PPP1R37: variants seen among roughly 807,000 people sequenced by gnomAD.
The protein encoded by PPP1R37 is leucine rich repeat containing 68.
PPP1R37 carries 21 observed loss-of-function variants against 61.0 expected under a neutral mutation model. The ratio of observed to expected loss-of-function variants is 0.34; its 90% CI spans 0.24 to 0.50. The LOEUF is 0.50. PPP1R37 is among the 20% of genes least tolerant of loss of function. The pLI, the probability that PPP1R37 is intolerant of heterozygous loss-of-function variation, is 0.98. For missense variants in PPP1R37, 910 were observed against 952.7 expected (o/e 0.96, Z 0.59); for synonymous variants, 443 against 433.5 (o/e 1.02, Z -0.27).
chr19:45,122,855 C>T (rs913559565), intron 1 of PPP1R37, among the ~76,000 whole-genome samples: 1 of 152,146 alleles, frequency 6.6e-6, no homozygotes, highest in Non-Finnish European at 1.5e-5. Context: ...CTTTGCCTCC[C>T]GTGCTCCATA....
chr19:45,102,936 A>G (rs1968082787), intron 1 of PPP1R37, among the ~76,000 whole-genome samples: 1 of 152,226 alleles, frequency 6.6e-6, no homozygotes, highest in African/African-American at 2.4e-5. Flanking sequence ...GTTTCAGCTA[A>G]GAGGAGGTGG....
At chr19:45,107,646 G>A (rs987169179) in intron 1 of PPP1R37, among the ~76,000 whole-genome samples, 4 of 152,150 alleles carry the variant, frequency 2.6e-5, no homozygotes, top group African/African-American at 9.7e-5. Context: ...TCATTATTGA[G>A]TTGTGAGAGT....
In PPP1R37 at chr19:45,117,861, T is replaced by G. The variant is rs368556166; in HGVS notation, c.203-20653T>G. ...GTAAGCCAGTGCTCGTCCTTGGCAT[T>G]GTTGACTCAGTGGCTCAGCTGATGA... On this transcript the variant is annotated intron_variant, in intron 1 of 12. Coordinates refer to ENST00000221462, the MANE Select transcript of PPP1R37 (RefSeq NM_019121.2). Among the ~76,000 whole-genome samples the G allele has an allele frequency of 7.3e-4, 111 of 152,324 alleles. 2 individuals are homozygous for G. The South Asian group carries it at 0.022, about 30-fold the overall frequency.
chr19:45,141,922 C>T (rs1330074979), intron 5 of PPP1R37, 139 bp from the exon 6 acceptor site: 53 of 972,624 alleles, frequency 5.4e-5, no homozygotes, highest in Non-Finnish European at 6.7e-5. Flanking sequence ...CATAGCCAGA[C>T]GACAGCTGTG....
At chr19:45,122,289 T>C (rs980869202) in intron 1 of PPP1R37, among the ~76,000 whole-genome samples, 2 of 152,130 alleles carry the variant, frequency 1.3e-5, no homozygotes, top group African/African-American at 2.4e-5. Context: ...AAGCCTGCCA[T>C]AGACAAGAAG....
At chr19:45,093,853 GAGA>G (rs1266543455) in intron 1 of PPP1R37, among the ~76,000 whole-genome samples, 1 of 152,216 alleles carries the variant, frequency 6.6e-6, no homozygotes, top group Non-Finnish European at 1.5e-5. Flanking sequence ...AGTTCCACCA[GAGA>G]AGGAGAGAAG....
intron 8 of PPP1R37, chr19:45,144,609 G>A (rs892901498): frequency 1.3e-5 from 7 of 527,676 alleles, no homozygotes; most frequent in African/African-American, 4.0e-5. Context: ...GGGGGGTAGG[G>A]ACTGACTGGG....
At chr19:45,116,002 A>G (rs1448445971) in intron 1 of PPP1R37, among the ~76,000 whole-genome samples, 1 of 150,986 alleles carries the variant, frequency 6.6e-6, no homozygotes, top group Non-Finnish European at 1.5e-5. Flanking sequence ...TGTGTGTCAC[A>G]TGGGGGGACT....
Position 45,146,586 on chromosome 19 carries a change from C to G in PPP1R37, c.*24C>G. 1 of 807,958 alleles carries G rather than the reference C, an allele frequency of 1.2e-6. No homozygotes were observed. Among genetic ancestry groups the G allele is most frequent in the Non-Finnish European group, 2.0e-6 (1 of 509,354 alleles). 50.0% of individuals were successfully genotyped at this position (807,958 alleles called of 1,614,324 possible). On this transcript the variant is annotated 3_prime_UTR_variant, in exon 13 of 13. Coordinates refer to ENST00000221462, the MANE Select transcript of PPP1R37 (RefSeq NM_019121.2). ...CCTCCCCAAGTTCCCTTTTTCCGGT[C>G]GGTCTGCGATGAGCTGAGGCCAGAG...
intron 3 of PPP1R37, 101 bp from the exon 4 acceptor site, chr19:45,140,405 G>GCTGGGC: frequency 7.8e-7 from 1 of 1,283,560 alleles, no homozygotes. Context: ...CAGGGCAGGG[G>GCTGGGC]CTGGGCCTGG....
chr19:45,109,844 C>A (rs188376482), intron 1 of PPP1R37, among the ~76,000 whole-genome samples: 1 of 152,308 alleles, frequency 6.6e-6, no homozygotes, highest in Non-Finnish European at 1.5e-5. Context: ...CCCTGAGGAT[C>A]TGTCGCCCAC....
At chr19:45,113,315 A>G (rs2122721576) in intron 1 of PPP1R37, among the ~76,000 whole-genome samples, 1 of 152,372 alleles carries the variant, frequency 6.6e-6, no homozygotes, top group East Asian at 1.9e-4. Flanking sequence ...TAGATTCGTA[A>G]CAGGAATCAT....
Position 45,142,291 on chromosome 19 carries a change from C to T in PPP1R37, c.719-12C>T, listed in dbSNP as rs768157731. ...GGCCTGCCCAGTCACCGTGCCCCCT[C>T]CCCGTCCCCAGCCACGGCCCTGAAG... On this transcript the variant is annotated splice_polypyrimidine_tract_variant and intron_variant, in intron 6 of 12. Coordinates refer to ENST00000221462, the MANE Select transcript of PPP1R37 (RefSeq NM_019121.2). The T allele has an allele frequency of 8.5e-6, 13 of 1,535,622 alleles. No individual in the cohort carries two copies. The South Asian group carries it at 1.3e-4, about 15-fold the overall frequency.
intron 7 of PPP1R37, chr19:45,142,985 T>C: frequency 6.0e-6 from 1 of 165,298 alleles, no homozygotes. Context: ...TGGGGAGCCG[T>C]CAAAGGAGGC....
chr19:45,095,059 C>T (rs1165692936), intron 1 of PPP1R37, among the ~76,000 whole-genome samples: 1 of 152,082 alleles, frequency 6.6e-6, no homozygotes, highest in East Asian at 1.9e-4. Flanking sequence ...GATCTGCCGG[C>T]CCTGGGCAAG....
Position 45,138,529 on chromosome 19 carries a change from T to C in PPP1R37, c.218T>C (p.Val73Ala). 6.5e-7 allele frequency: 1 copy of C among 1,534,140 alleles called. No homozygotes were observed. Among genetic ancestry groups the C allele is most frequent in the South Asian group, 1.2e-5 (1 of 84,018 alleles). Reference sequence around the variant, plus strand: ...GTGCCTGCAGCCCAGAATGTGACCGTGGACGAGGTCATCGGCGCCTACAAG... The same window carrying C: ...GTGCCTGCAGCCCAGAATGTGACCGCGGACGAGGTCATCGGCGCCTACAAG... ...DPWRHAQNVT[V>A]DEVIGAYKQA... The change falls in exon 2 of 13, where the codon GTG becomes GCG. Residue 73 changes from valine (V) to alanine (A), a missense_variant. Coordinates refer to ENST00000221462, the MANE Select transcript of PPP1R37 (RefSeq NM_019121.2).
intron 1 of PPP1R37, among the ~76,000 whole-genome samples, chr19:45,120,226 C>T (rs1378375248): frequency 6.6e-6 from 1 of 152,080 alleles, no homozygotes; most frequent in Non-Finnish European, 1.5e-5. Context: ...ACTGTGTTAG[C>T]CAGGATGGTC....
chr19:45,103,369 G>A (rs1269456411), intron 1 of PPP1R37, among the ~76,000 whole-genome samples: 1 of 152,236 alleles, frequency 6.6e-6, no homozygotes, highest in Non-Finnish European at 1.5e-5. Flanking sequence ...GCTCCCCTCA[G>A]GGCTGGTTGG....
intron 1 of PPP1R37, among the ~76,000 whole-genome samples, chr19:45,105,669 G>A (rs545629366): frequency 2.0e-4 from 30 of 152,252 alleles, no homozygotes; most frequent in African/African-American, 5.8e-4. Context: ...CTTCTGTCAC[G>A]GGCTTGGGAT....
Sources: gnomAD v4.1 joint callset for allele counts (sites outside exome capture counted in the v4.1 genomes callset) on GRCh38, gnomAD v4.1.1 for gene constraint, MANE v1.5 for transcripts, NCBI Gene and HGNC (gene_info 2026-07-23, HGNC 2026-07-21) for gene names.